The following TTLL5 variants were observed in gnomAD, a reference collection of about 807,000 sequenced individuals.
The protein encoded by TTLL5 is tubulin tyrosine ligase like 5, also known as tubulin polyglutamylase TTLL5.
In TTLL5, 132 loss-of-function variants were observed where a neutral mutation model predicts 168.4. That is an observed-to-expected ratio of 0.78 (90% CI 0.68 to 0.91). The LOEUF is 0.91. Among genes scored for constraint, TTLL5 ranks in the 40% least tolerant of loss-of-function variants. The probability of loss-of-function intolerance (pLI) is 0.00; values close to 1 mark genes in which losing one functional copy is unlikely to be tolerated. For missense variants in TTLL5, 1,545 were observed against 1,581.5 expected (o/e 0.98, Z 0.39); for synonymous variants, 546 against 558.6 (o/e 0.98, Z 0.32).
Position 75,725,422 on chromosome 14 carries a change from T to C in TTLL5, c.1042+4719T>C, listed in dbSNP as rs931776267. On this transcript the variant is annotated intron_variant, in intron 12 of 31. Transcript: ENST00000298832. ...AGAAACTTATGTAGGAAGTATCTAC[T>C]GTTTATCAAGCAAACATTGGTTATT... is the stretch of plus-strand genomic sequence containing the variant. Among the ~76,000 whole-genome samples the C allele has an allele frequency of 2.0e-5, 3 of 152,378 alleles. No individual in the cohort carries two copies. The East Asian group carries it at 5.8e-4, about 29-fold the overall frequency.
At chr14:75,925,188 G>A (rs1243702721) in intron 31 of TTLL5, among the ~76,000 whole-genome samples, 30 of 144,772 alleles carry the variant, frequency 2.1e-4, no homozygotes, top group African/African-American at 7.6e-4. Context: ...GGCGGGGGCT[G>A]ACCCCCCCAC....
chr14:75,764,058 C>A (rs1465740647), intron 18 of TTLL5, among the ~76,000 whole-genome samples: 1 of 152,172 alleles, frequency 6.6e-6, no homozygotes, highest in Admixed American at 6.6e-5. Context: ...GGCTTGGTGA[C>A]TTTTCACTAA....
intron 28 of TTLL5, among the ~76,000 whole-genome samples, chr14:75,848,959 T>C (rs898599131): frequency 6.6e-6 from 1 of 152,208 alleles, no homozygotes; most frequent in Non-Finnish European, 1.5e-5. Context: ...CCATTGATCA[T>C]GGAGTGGTAG....
At chr14:75,893,083 T>C (rs2032480104) in intron 30 of TTLL5, among the ~76,000 whole-genome samples, 1 of 152,208 alleles carries the variant, frequency 6.6e-6, no homozygotes, top group African/African-American at 2.4e-5. Flanking sequence ...ACGTGAATTC[T>C]TTACAGATAA....
intron 18 of TTLL5, among the ~76,000 whole-genome samples, chr14:75,759,995 AT>A (rs553055264): frequency 7.9e-4 from 120 of 152,230 alleles, no homozygotes; most frequent in Non-Finnish European, 1.4e-3. Flanking sequence ...CACGTTGTAC[AT>A]TAGTATAGTA....
chr14:75,681,502 A>C (rs780469230), intron 3 of TTLL5, 43 bp from the exon 4 acceptor site: 1 of 1,543,028 alleles, frequency 6.5e-7, no homozygotes. Context: ...TTGTTTTTAC[A>C]GTTAACTTTC....
At chr14:75,735,805 G>A (rs1295410412) in intron 15 of TTLL5, among the ~76,000 whole-genome samples, 2 of 152,162 alleles carry the variant, frequency 1.3e-5, no homozygotes, top group Non-Finnish European at 2.9e-5. Context: ...ATTTGATCAA[G>A]CATTGCTTCG....
At chr14:75,874,344 G>T (rs936114686) in intron 29 of TTLL5, among the ~76,000 whole-genome samples, 1 of 152,060 alleles carries the variant, frequency 6.6e-6, no homozygotes, top group African/African-American at 2.4e-5. Flanking sequence ...CACCCGCCTC[G>T]GCCTCCCAAA....
chr14:75,719,243 C>T (rs1247752755), intron 10 of TTLL5, among the ~76,000 whole-genome samples: 1 of 152,236 alleles, frequency 6.6e-6, no homozygotes, highest in East Asian at 1.9e-4. Context: ...AGGGAACCTG[C>T]TTCAGATGCC....
At chr14:75,665,989 G>A (rs1225555561) in intron 2 of TTLL5, among the ~76,000 whole-genome samples, 2 of 152,182 alleles carry the variant, frequency 1.3e-5, no homozygotes, top group Admixed American at 1.3e-4. Flanking sequence ...TGAAAATAAA[G>A]GTGTAATTTT....
chr14:75,907,703 T>G (rs544977598), intron 31 of TTLL5, among the ~76,000 whole-genome samples: 1 of 152,326 alleles, frequency 6.6e-6, no homozygotes, highest in South Asian at 2.1e-4. Flanking sequence ...TATACCAAAA[T>G]TTACTGGAGA....
chr14:75,771,570 T>C (rs1006772537), intron 20 of TTLL5, among the ~76,000 whole-genome samples, 164 bp from the exon 21 acceptor site: 3 of 152,248 alleles, frequency 2.0e-5, no homozygotes, highest in African/African-American at 7.2e-5. Context: ...AACCTTCATG[T>C]ACTGCTTAGA....
chr14:75,831,658 G>T (rs1418043728), intron 28 of TTLL5, among the ~76,000 whole-genome samples: 2 of 152,220 alleles, frequency 1.3e-5, no homozygotes, highest in South Asian at 4.2e-4. Flanking sequence ...GAGTGGGTGG[G>T]GTCCTGCCTG....
At position 75,769,585 on chromosome 14, in the gene TTLL5, TGA is replaced by T. The variant is rs548086663; in HGVS notation, c.2016-2148_2016-2147del. Among the ~76,000 whole-genome samples, 331 of 152,312 alleles carry T rather than the reference TGA, an allele frequency of 2.2e-3. 2 individuals carry two copies. Among genetic ancestry groups the T allele is most frequent in the African/African-American group, 7.4e-3 (307 of 41,558 alleles). ...CAGTGATTCACAACAAAACAATGAT[TGA>T]AGTCTCAACTTATGAGCAATAATCC... On this transcript the variant is annotated intron_variant, in intron 20 of 31. Coordinates refer to ENST00000298832, the MANE Select transcript of TTLL5 (RefSeq NM_015072.5).
At chr14:75,796,215 A>G (rs1170410906) in intron 27 of TTLL5, among the ~76,000 whole-genome samples, 1 of 151,844 alleles carries the variant, frequency 6.6e-6, no homozygotes. Flanking sequence ...TGTTTGTTGG[A>G]TATTTGTATA....
At chr14:75,804,041 A>G (rs1250824941) in intron 27 of TTLL5, among the ~76,000 whole-genome samples, 1 of 152,158 alleles carries the variant, frequency 6.6e-6, no homozygotes, top group African/African-American at 2.4e-5. Flanking sequence ...TCCAGTGTGA[A>G]CGAATGTGCT....
Position 75,704,172 on chromosome 14 carries a change from T to G in TTLL5, c.586-2846T>G, listed in dbSNP as rs532800922. 2.0e-5 allele frequency among the ~76,000 whole-genome samples: 3 copies of G among 152,328 alleles called. No individual in the cohort carries two copies. In the South Asian group the frequency reaches 6.2e-4, roughly 32 times the overall value. On this transcript the variant is annotated intron_variant, in intron 7 of 31. Transcript: ENST00000298832. ...CAGATGATTCCAGCATAGACACTCT[T>G]AACCACTATATCATTCTCCTTTACA...
chr14:75,715,422 C>T (rs889231453), intron 9 of TTLL5, among the ~76,000 whole-genome samples: 3 of 151,996 alleles, frequency 2.0e-5, no homozygotes, highest in Non-Finnish European at 2.9e-5. Flanking sequence ...CAGAACTTGA[C>T]CAGTAGGTCA....
intron 29 of TTLL5, among the ~76,000 whole-genome samples, chr14:75,870,806 T>C (rs2030966079): frequency 6.6e-6 from 1 of 151,748 alleles, no homozygotes; most frequent in South Asian, 2.1e-4. Flanking sequence ...GGTTTTTTTT[T>C]TTTTTTTGAG....
Sources: gnomAD v4.1 joint callset for allele counts (sites outside exome capture counted in the v4.1 genomes callset) on GRCh38, gnomAD v4.1.1 for gene constraint, MANE v1.5 for transcripts, NCBI Gene and HGNC (gene_info 2026-07-23, HGNC 2026-07-21) for gene names.